Variants in APBB2 observed in about 807,000 individuals in gnomAD.
The protein encoded by APBB2 is amyloid beta precursor protein binding family B member 2, also known as Fe65-like 1.
Under a neutral mutation model 82.5 loss-of-function variants are expected in APBB2, and 38 were observed. The ratio of observed to expected loss-of-function variants is 0.46; its 90% CI spans 0.36 to 0.60. The LOEUF (loss-of-function observed/expected upper bound fraction) is 0.60, where lower values mean the gene tolerates loss of function less well. Among genes scored for constraint, APBB2 ranks in the 20% least tolerant of loss-of-function variants. The pLI, the probability that APBB2 is intolerant of heterozygous loss-of-function variation, is 0.00. For synonymous variants in APBB2, 341 were observed against 368.2 expected (o/e 0.93, Z 0.85); for missense variants, 772 against 972.3 (o/e 0.79, Z 2.74).
chr4:41,084,198 G>A (rs1738781765), intron 3 of APBB2, among the ~76,000 whole-genome samples: 1 of 152,212 alleles, frequency 6.6e-6, no homozygotes, highest in East Asian at 1.9e-4. Context: ...GCCGAGACAG[G>A]CGGATCACCT....
chr4:40,860,368 G>C (rs1043950877), intron 12 of APBB2, among the ~76,000 whole-genome samples: 29 of 152,172 alleles, frequency 1.9e-4, no homozygotes, highest in Non-Finnish European at 2.9e-4. Flanking sequence ...CTATGCCTTT[G>C]GGGTGGAGCC....
intron 4 of APBB2, among the ~76,000 whole-genome samples, chr4:41,037,567 G>A (rs567821247): frequency 1.3e-4 from 20 of 152,130 alleles, no homozygotes; most frequent in Non-Finnish European, 2.6e-4. Context: ...TAGTCCTAAG[G>A]ACTGCAAGAC....
chr4:40,943,409 G>C (rs1312843746), intron 7 of APBB2, among the ~76,000 whole-genome samples: 1 of 152,232 alleles, frequency 6.6e-6, no homozygotes, highest in Admixed American at 6.5e-5. Flanking sequence ...GAGATGCCAA[G>C]AGAAAAGGTG....
chr4:40,886,614 C>T (rs1770374163), intron 12 of APBB2, among the ~76,000 whole-genome samples: 1 of 152,166 alleles, frequency 6.6e-6, no homozygotes, highest in Non-Finnish European at 1.5e-5. Context: ...AGCACAGGTC[C>T]CTGAAACTGG....
intron 1 of APBB2, among the ~76,000 whole-genome samples, chr4:41,210,560 C>T: frequency 6.6e-6 from 1 of 152,208 alleles, no homozygotes; most frequent in Non-Finnish European, 1.5e-5. Context: ...GCACTAATAA[C>T]ACATTAAAAT....
chr4:40,953,723 T>C (rs1197222708), intron 6 of APBB2, among the ~76,000 whole-genome samples: 2 of 152,214 alleles, frequency 1.3e-5, no homozygotes, highest in African/African-American at 4.8e-5. Flanking sequence ...CACATGCTTC[T>C]CCACCTTCCC....
At chr4:41,021,235 T>C (rs1811403148) in intron 5 of APBB2, among the ~76,000 whole-genome samples, 1 of 152,210 alleles carries the variant, frequency 6.6e-6, no homozygotes, top group South Asian at 2.1e-4. Flanking sequence ...AGTTCCCCTC[T>C]GGAGGACACT....
chr4:41,160,038 A>AAGAAGAAGAAGAAGAAGAAGAAGAAG (rs1247891414), intron 1 of APBB2, among the ~76,000 whole-genome samples: 2 of 123,136 alleles, frequency 1.6e-5, no homozygotes, highest in African/African-American at 6.9e-5. Context: ...AGAAGAAGAA[A>AAGAAGAAGAAGAAGAAGAAGAAGAAG]ACATCACAGG....
chr4:40,939,790 G>C (rs369327135), intron 7 of APBB2, among the ~76,000 whole-genome samples: 40 of 152,132 alleles, frequency 2.6e-4, no homozygotes, highest in African/African-American at 7.7e-4. Flanking sequence ...AGAAAGTCCT[G>C]GGCTCAAGCC....
At chr4:40,869,005 G>A (rs561774399) in intron 12 of APBB2, among the ~76,000 whole-genome samples, 4 of 152,088 alleles carry the variant, frequency 2.6e-5, no homozygotes, top group East Asian at 3.9e-4. Flanking sequence ...GTGTTACCTC[G>A]ATTTGTCCCC....
chr4:40,877,948 T>C (rs368197617), intron 12 of APBB2, among the ~76,000 whole-genome samples: 1 of 152,218 alleles, frequency 6.6e-6, no homozygotes, highest in East Asian at 1.9e-4. Context: ...GGCTCTCCAG[T>C]GGGCAGGGTG....
chr4:40,870,258 C>T (rs751390580), intron 12 of APBB2, among the ~76,000 whole-genome samples: 13 of 152,220 alleles, frequency 8.5e-5, no homozygotes, highest in Non-Finnish European at 1.6e-4. Flanking sequence ...CCCACCACTG[C>T]CAGTGCAGAT....
chr4:41,027,285 C>A (rs76414485), intron 5 of APBB2, among the ~76,000 whole-genome samples: 1 of 150,730 alleles, frequency 6.6e-6, no homozygotes, highest in East Asian at 1.9e-4. Context: ...GGTGTGTACT[C>A]AGGAGTGGAA....
intron 10 of APBB2, among the ~76,000 whole-genome samples, chr4:40,930,968 C>T (rs1271389787): frequency 4.6e-5 from 7 of 152,134 alleles, no homozygotes; most frequent in Non-Finnish European, 7.4e-5. Flanking sequence ...CAGATGGTCT[C>T]GATCTCTTGA....
In APBB2 at chr4:40,832,831, G is replaced by A. The variant is rs137914098; in HGVS notation, c.1530-2254C>T. 1.6e-4 allele frequency among the ~76,000 whole-genome samples: 25 copies of A among 152,296 alleles called. No individual in the cohort carries two copies. Among genetic ancestry groups the A allele is most frequent in the African/African-American group, 5.3e-4 (22 of 41,568 alleles). ...TCCCAGCGTCTAGTTCAGGCCTGGC[G>A]TATCACCGGTACTAATACATGTTTG... On this transcript the variant is annotated intron_variant, in intron 12 of 17. Coordinates refer to ENST00000508593, the MANE Select transcript of APBB2 (RefSeq NM_004307.2). This position sits in a 1 kb window ranked among gnomAD's most constrained non-coding sequence, Gnocchi z 4.8.
intron 6 of APBB2, among the ~76,000 whole-genome samples, chr4:40,964,635 G>C (rs189106777): frequency 6.6e-6 from 1 of 152,062 alleles, no homozygotes; most frequent in African/African-American, 2.4e-5. Context: ...AAGGTAAAAT[G>C]TGTTGGATTC....
At chr4:41,059,333 C>T (rs185666666) in intron 4 of APBB2, among the ~76,000 whole-genome samples, 13 of 152,242 alleles carry the variant, frequency 8.5e-5, no homozygotes, top group South Asian at 4.1e-4. Flanking sequence ...TGGTGGCAGG[C>T]GCCTGTAATC....
At chr4:41,022,545 T>C (rs1359072366) in intron 5 of APBB2, among the ~76,000 whole-genome samples, 1 of 152,204 alleles carries the variant, frequency 6.6e-6, no homozygotes, top group Admixed American at 6.5e-5. Flanking sequence ...TGAAGCCTTC[T>C]CTTGTCCCTC....
At chr4:41,212,631 T>C (rs927927111) in intron 1 of APBB2, among the ~76,000 whole-genome samples, 2 of 152,236 alleles carry the variant, frequency 1.3e-5, no homozygotes, top group African/African-American at 4.8e-5. Context: ...TCTCAAAGGC[T>C]CTCAGCAAAT....
Sources: allele counts gnomAD v4.1 joint callset (sites outside exome capture counted in the v4.1 genomes callset), GRCh38; gene constraint gnomAD v4.1.1; non-coding constraint Gnocchi (gnomAD v3.1); transcripts MANE v1.5; gene names NCBI Gene and HGNC (gene_info 2026-07-23, HGNC 2026-07-21).